Variants in SLC14A2 observed in about 807,000 individuals in gnomAD.
SLC14A2 encodes the protein solute carrier family 14 member 2.
SLC14A2 carries 91 observed loss-of-function variants against 104.6 expected under a neutral mutation model. The ratio of observed to expected loss-of-function variants is 0.87; its 90% CI spans 0.73 to 1.04. The LOEUF (loss-of-function observed/expected upper bound fraction) is 1.04. SLC14A2 is among the 50% of genes least tolerant of loss of function. The pLI is 0.00. For synonymous variants in SLC14A2, 476 were observed against 466.4 expected (o/e 1.02, Z -0.27); for missense variants, 1,189 against 1,156.0 (o/e 1.03, Z -0.41).
rs552271866 is a variant in SLC14A2, at chr18:45,511,171, T to C, written c.-35+27849T>C. 2.6e-5 allele frequency among the ~76,000 whole-genome samples: 4 copies of C among 152,244 alleles called. No homozygotes were observed. In the East Asian group the frequency reaches 7.7e-4, roughly 29 times the overall value. ...AGACATCTTTGCACTTGACACATCC[T>C]TGGCACTTGTTTCTATTTAAAGTAG... is the stretch of plus-strand genomic sequence containing the variant. On this transcript the variant is annotated intron_variant, in intron 2 of 20. Transcript: ENST00000586448.
At chr18:45,449,156 G>A (rs560377633) in intron 1 of SLC14A2, among the ~76,000 whole-genome samples, 1 of 152,344 alleles carries the variant, frequency 6.6e-6, no homozygotes, top group South Asian at 2.1e-4. Flanking sequence ...CATCTGCCCT[G>A]CAGTATATTG....
chr18:45,237,833 G>A (rs991898681), intron 1 of SLC14A2, among the ~76,000 whole-genome samples: 2 of 152,156 alleles, frequency 1.3e-5, no homozygotes, highest in African/African-American at 4.8e-5. Flanking sequence ...AGGGCCCCTG[G>A]GAGTGCCTTG....
At chr18:45,360,941 C>A (rs930810673) in intron 1 of SLC14A2, among the ~76,000 whole-genome samples, 6 of 152,142 alleles carry the variant, frequency 3.9e-5, no homozygotes, top group African/African-American at 1.4e-4. Flanking sequence ...CTGTGCCACC[C>A]CTAATGTATT....
At chr18:45,447,600 A>C (rs2086791272) in intron 1 of SLC14A2, 1 of 152,220 alleles carries the variant, frequency 6.6e-6, no homozygotes, top group Admixed American at 6.5e-5. Context: ...TCACTTTATC[A>C]TTGTAATATA....
the SLC14A2 span, among the ~76,000 whole-genome samples, chr18:45,205,279 G>T: frequency 6.6e-6 from 1 of 152,208 alleles, no homozygotes; most frequent in East Asian, 1.9e-4. Flanking sequence ...CAGGCCAAAG[G>T]TGGTTTAGGT....
intron 1 of SLC14A2, among the ~76,000 whole-genome samples, chr18:45,367,301 T>C (rs188859976): frequency 9.1e-4 from 138 of 152,314 alleles, no homozygotes; most frequent in Non-Finnish European, 1.6e-3. Flanking sequence ...CGAGATTTCA[T>C]ATATTTATGA....
intron 1 of SLC14A2, among the ~76,000 whole-genome samples, chr18:45,251,188 T>A (rs1185644499): frequency 1.3e-5 from 2 of 152,180 alleles, no homozygotes; most frequent in Admixed American, 1.3e-4. Context: ...TCCTGCCCTT[T>A]CCCTCTGAGT....
intron 10 of SLC14A2, among the ~76,000 whole-genome samples, chr18:45,661,928 G>A (rs1282134618): frequency 6.6e-6 from 1 of 152,180 alleles, no homozygotes; most frequent in Non-Finnish European, 1.5e-5. Context: ...CTGACCCCTG[G>A]ACAGGATGCT....
intron 2 of SLC14A2, among the ~76,000 whole-genome samples, chr18:45,543,671 G>C (rs866678403): frequency 6.6e-6 from 1 of 152,124 alleles, no homozygotes; most frequent in Non-Finnish European, 1.5e-5. Context: ...ACATGGCTCA[G>C]CTCAAACTCA....
At chr18:45,656,084 T>C (rs1463074160) in intron 10 of SLC14A2, among the ~76,000 whole-genome samples, 1 of 152,246 alleles carries the variant, frequency 6.6e-6, no homozygotes, top group Non-Finnish European at 1.5e-5. Context: ...TAGATTGGAA[T>C]GTATGTATTG....
intron 1 of SLC14A2, among the ~76,000 whole-genome samples, chr18:45,243,347 T>G (rs1416993421): frequency 6.6e-6 from 1 of 152,218 alleles, no homozygotes; most frequent in Non-Finnish European, 1.5e-5. Context: ...GCCATTTTCA[T>G]GACCATTTTA....
chr18:45,406,203 A>G (rs1184374562), intron 1 of SLC14A2, among the ~76,000 whole-genome samples: 4 of 152,222 alleles, frequency 2.6e-5, no homozygotes, highest in African/African-American at 4.8e-5. Flanking sequence ...GAAATATTCT[A>G]AATCCTTTAC....
chr18:45,178,145 T>C, the SLC14A2 span, among the ~76,000 whole-genome samples: 1 of 152,182 alleles, frequency 6.6e-6, no homozygotes, highest in Non-Finnish European at 1.5e-5. Flanking sequence ...AAGCAATTTG[T>C]TTATTATTAG....
intron 2 of SLC14A2, among the ~76,000 whole-genome samples, chr18:45,519,527 C>T (rs2043487876): frequency 6.6e-6 from 1 of 152,226 alleles, no homozygotes; most frequent in African/African-American, 2.4e-5. Context: ...ACATACACCT[C>T]ACTCACTCAC....
chr18:45,384,242 G>T (rs1235207749), intron 1 of SLC14A2, among the ~76,000 whole-genome samples: 1 of 152,158 alleles, frequency 6.6e-6, no homozygotes, highest in Non-Finnish European at 1.5e-5. Flanking sequence ...GGGCCACACA[G>T]ACCCTCTCCT....
At chr18:45,353,737 A>C (rs757388257) in intron 1 of SLC14A2, among the ~76,000 whole-genome samples, 3 of 152,188 alleles carry the variant, frequency 2.0e-5, no homozygotes, top group African/African-American at 2.4e-5. Context: ...GCAGGCATGC[A>C]TGAAGGCTGT....
Position 45,679,084 on chromosome 18 carries a change from C to T in SLC14A2, c.2562+60C>T, listed in dbSNP as rs1326596550. On this transcript the variant is annotated intron_variant, in intron 19 of 19. Coordinates refer to ENST00000255226, the MANE Select transcript of SLC14A2 (RefSeq NM_007163.4). The stretch of plus-strand genomic sequence containing the variant: ...ATCCTTCCTGGTGTCCTCTTGGCTT[C>T]CCCAAACCTGCTGAAAACCTCTCTC... The T allele has an allele frequency of 1.1e-5, 17 of 1,509,312 alleles. No individual in the cohort carries two copies. In the South Asian group the frequency reaches 1.2e-4, roughly 10 times the overall value. The allele number at this position is 1,509,312 out of a possible 1,614,324, so 93.5% of individuals were successfully genotyped here. A position where few individuals can be genotyped will look rare whatever the true frequency, so the allele number is the denominator to read the frequency against.
intron 2 of SLC14A2, among the ~76,000 whole-genome samples, chr18:45,591,618 A>G (rs1221206183): frequency 6.6e-6 from 1 of 152,174 alleles, no homozygotes; most frequent in Non-Finnish European, 1.5e-5. Context: ...TACAGGCATG[A>G]GCCACCACGC....
chr18:45,221,455 G>A (rs1003371372), intron 1 of SLC14A2, among the ~76,000 whole-genome samples: 45 of 151,892 alleles, frequency 3.0e-4, no homozygotes, highest in African/African-American at 1.1e-3. Flanking sequence ...GAGACACTTT[G>A]ATTGGTCCAG....
Sources: allele counts gnomAD v4.1 joint callset (sites outside exome capture counted in the v4.1 genomes callset), GRCh38; gene constraint gnomAD v4.1.1; transcripts MANE v1.5; gene names NCBI Gene and HGNC (gene_info 2026-07-23, HGNC 2026-07-21).